MGAM: variants seen among roughly 807,000 people sequenced by gnomAD.
MGAM encodes the protein alpha-1,4-glucosidase.
In MGAM, 253 loss-of-function variants were observed where a neutral mutation model predicts 358.8. The ratio of observed to expected loss-of-function variants is 0.71; its 90% confidence interval spans 0.64 to 0.78. The LOEUF (loss-of-function observed/expected upper bound fraction) is 0.78. MGAM is among the 30% of genes least tolerant of loss of function. The pLI is 0.00. For missense variants in MGAM, 3,080 were observed against 3,432.6 expected (o/e 0.90, Z 2.57); for synonymous variants, 1,105 against 1,227.1 (o/e 0.90, Z 2.08).
rs1360977827 is a variant in MGAM at position 142,079,363 on chromosome 7, A to C, written c.5847+355A>C. 1.4e-5 allele frequency among the ~76,000 whole-genome samples: 2 copies of C among 145,660 alleles called. 1 individual carries two copies. The highest frequency in any genetic ancestry group is 4.4e-4 in the South Asian group (2 of 4,532). Reference sequence around the variant, plus strand: ...GTTGAGATTCAGGAAGTTGGGTTACAGGGTCTGGTGCTTGATTGAAAGCAG... The same window carrying C: ...GTTGAGATTCAGGAAGTTGGGTTACCGGGTCTGGTGCTTGATTGAAAGCAG... On this transcript the variant is annotated intron_variant, in intron 49 of 70. Transcript: ENST00000475668.
At chr7:142,044,355 A>G (rs1464429046) in intron 21 of MGAM, among the ~76,000 whole-genome samples, 1 of 136,146 alleles carries the variant, frequency 7.3e-6, no homozygotes, top group East Asian at 2.1e-4. Flanking sequence ...TAATATACAC[A>G]TACGATATAT....
chr7:142,005,446 C>A, intron 1 of MGAM, 83 bp from the exon 2 acceptor site: 2 of 1,019,438 alleles, frequency 2.0e-6, no homozygotes, highest in South Asian at 3.6e-5. Context: ...TCATTGCATA[C>A]ATTTGAGCTT....
At position 142,045,024 on chromosome 7, in the gene MGAM, TTG is replaced by T. The variant is rs1809868668; in HGVS notation, c.2499-2759_2499-2758del. On this transcript the variant is annotated intron_variant, in intron 21 of 70. Coordinates refer to ENST00000475668, the MANE Select transcript of MGAM (RefSeq NM_001365693.1). ...TAATATATGATATATAATATGTATA[TTG>T]TATACACGTGTAATATATGATATAT... 1.2e-4 allele frequency among the ~76,000 whole-genome samples: 12 copies of T among 103,858 alleles called. 2 individuals are homozygous for T. The highest frequency in any genetic ancestry group is 1.7e-4 in the Non-Finnish European group (9 of 53,072). The allele number at this position is 103,858 out of a possible 152,430, so 68.1% of individuals were successfully genotyped here.
intron 65 of MGAM, among the ~76,000 whole-genome samples, chr7:142,097,346 AT>A (rs11298938): frequency 0.92 from 139,737 of 151,258 alleles, 65,351 homozygotes; most frequent in Non-Finnish European, 1. Context: ...CAAATAGTGA[AT>A]TTTTTTTTTT....
chr7:142,027,464 G>A, intron 9 of MGAM, 146 bp from the exon 10 acceptor site: 1 of 976,324 alleles, frequency 1.0e-6, no homozygotes, highest in Non-Finnish European at 1.5e-6. Context: ...TTTATGAAGG[G>A]GCTGGAAAAA....
Position 142,077,447 on chromosome 7 carries a change from C to G in MGAM, c.5493+621C>G, listed in dbSNP as rs1239427703. 1.4e-5 allele frequency among the ~76,000 whole-genome samples: 2 copies of G among 145,284 alleles called. 1 individual carries two copies. Among genetic ancestry groups the G allele is most frequent in the African/African-American group, 4.9e-5 (2 of 41,006 alleles). ...TCTTTAGAATGTGATTTTATTACTC[C>G]AGACGTGTGAGAACTTTAACTTGGG... On this transcript the variant is annotated intron_variant, in intron 47 of 70. Transcript: ENST00000475668.
In MGAM at chr7:142,094,753, G is replaced by A. The variant is rs1312281493; in HGVS notation, c.7348G>A (p.Ala2450Thr). Residue 2450 changes from alanine (A) to threonine (T), a missense_variant, in exon 63 of 71, where the codon GCA becomes ACA. Transcript: ENST00000475668. ...FSLFGISYTG[A>T]DICGFFQDAE... ...TTATTTCCTCTTGTTTCAGACGGGAGCAGATATCTGTGGGTTCTTTCAAGA... is the reference window on the plus strand; with the variant it reads ...TTATTTCCTCTTGTTTCAGACGGGAACAGATATCTGTGGGTTCTTTCAAGA... 5.0e-6 allele frequency: 8 copies of A among 1,613,776 alleles called. No individual in the cohort carries two copies. The highest frequency in any genetic ancestry group is 6.8e-6 in the Non-Finnish European group (8 of 1,179,854).
At chr7:142,045,411 T>C (rs1427870328) in intron 21 of MGAM, among the ~76,000 whole-genome samples, 2 of 109,062 alleles carry the variant, frequency 1.8e-5, no homozygotes, top group Admixed American at 1.2e-4. Flanking sequence ...TTATATATAT[T>C]ATATATACCT....
chr7:142,044,643 A>G (rs1314454199), intron 21 of MGAM, among the ~76,000 whole-genome samples: 1 of 83,770 alleles, frequency 1.2e-5, no homozygotes, highest in African/African-American at 3.6e-5. Flanking sequence ...CACGTGTAAT[A>G]TATGATATAT....
intron 69 of MGAM, 81 bp from the exon 70 acceptor site, chr7:142,103,188 C>T (rs191867994): frequency 1.6e-4 from 193 of 1,174,816 alleles, no homozygotes; most frequent in Middle Eastern, 9.5e-4. Context: ...ACTTTATGAC[C>T]TACATTTGTG....
chr7:142,041,283 C>T (rs1808507429), intron 21 of MGAM, among the ~76,000 whole-genome samples: 1 of 152,032 alleles, frequency 6.6e-6, no homozygotes, highest in Non-Finnish European at 1.5e-5. Flanking sequence ...AAGAGGTGCA[C>T]ATTTATATCT....
At position 142,067,935 on chromosome 7, in the gene MGAM, AATATATATATATATATATATATATATAT is replaced by A. The variant is rs547783903; in HGVS notation, c.5004+512_5004+539del. 6.9e-5 allele frequency among the ~76,000 whole-genome samples: 2 copies of A among 29,182 alleles called. 1 individual carries two copies. Among genetic ancestry groups the A allele is most frequent in the African/African-American group, 1.6e-4 (2 of 12,406 alleles). 19.1% of individuals were successfully genotyped at this position (29,182 alleles called of 152,430 possible). ...ATATCAATTAATTGTACCTCCCTCA[AATATATATATATATATATATATATATAT>A]AAATATATATATATATATATATATT... On this transcript the variant is annotated intron_variant, in intron 42 of 70. Transcript: ENST00000475668.
intron 2 of MGAM, among the ~76,000 whole-genome samples, chr7:142,006,219 A>T (rs926262098): frequency 6.6e-6 from 1 of 151,348 alleles, no homozygotes; most frequent in Non-Finnish European, 1.5e-5. Flanking sequence ...CCCTTTATAG[A>T]TTTTTTTTTA....
Position 142,032,844 on chromosome 7 carries a change from A to C in MGAM, c.1604A>C (p.Asn535Thr), listed in dbSNP as rs549897232. The change falls in exon 14 of 71, where the codon AAC becomes ACC. Residue 535 changes from asparagine to threonine, a missense_variant. Physicochemically the swap from Asn to Thr is moderately conservative, Grantham distance 65. This residue lies in a region of MGAM where 1,816 missense variants were observed against 1,840.5 expected (regional missense o/e 0.99). Coordinates refer to ENST00000475668, the MANE Select transcript of MGAM (RefSeq NM_001365693.1). ...GIWIDMNEVS[N>T]FVDGSVSGCS... ...TTGTAGGATATGAATGAAGTCTCCA[A>C]CTTTGTTGATGGTTCGGTCTCAGGA... 6.2e-7 allele frequency: 1 copy of C among 1,610,022 alleles called. No individual in the cohort carries two copies. The highest frequency in any genetic ancestry group is 1.3e-5 in the African/African-American group (1 of 74,778).
chr7:141,990,826 G>A (rs1310804333), intron 2 of MGAM, among the ~76,000 whole-genome samples: 2 of 152,086 alleles, frequency 1.3e-5, no homozygotes, highest in African/African-American at 2.4e-5. Context: ...TGCTCCCTTC[G>A]CCCAAAATAT....
chr7:142,006,975 G>A, intron 2 of MGAM, among the ~76,000 whole-genome samples: 1 of 152,036 alleles, frequency 6.6e-6, no homozygotes, highest in South Asian at 2.1e-4. Context: ...TTTGTAAACT[G>A]CTGATTTCTT....
intron 21 of MGAM, among the ~76,000 whole-genome samples, chr7:142,041,968 T>C (rs1335501088): frequency 3.9e-5 from 1 of 25,462 alleles, no homozygotes; most frequent in African/African-American, 1.3e-4. Context: ...AATATATATA[T>C]ATTATATATA....
rs1401471656 is a variant in MGAM, at chr7:142,025,148, G to A, written c.981G>A (p.Met327Ile). The A allele has an allele frequency of 6.3e-6, 10 of 1,597,516 alleles. No homozygotes were observed. The East Asian group carries it at 1.8e-4, about 29-fold the overall frequency. Residue 327 changes from methionine to isoleucine, a missense_variant and splice_region_variant, in exon 8 of 71, where the codon ATG becomes ATA. By Grantham distance (10) the Met-to-Ile change is conservative. Transcript: ENST00000475668. Reference sequence around the variant, plus strand: ...TGTTTCTGATGAACAGCAATGCCATGGGTAAAGGAATATTCATGGAAAAAA... The same window carrying A: ...TGTTTCTGATGAACAGCAATGCCATAGGTAAAGGAATATTCATGGAAAAAA... ...FGVFLMNSNA[M>I]EVVLQPAPAI...
intron 69 of MGAM, among the ~76,000 whole-genome samples, chr7:142,102,923 G>A (rs1293655182): frequency 1.3e-5 from 2 of 152,192 alleles, no homozygotes; most frequent in African/African-American, 4.8e-5. Context: ...CAGGTGGACG[G>A]GCAGTTTCTG....
Sources: allele counts gnomAD v4.1 joint callset (sites outside exome capture counted in the v4.1 genomes callset), GRCh38; gene constraint gnomAD v4.1.1; regional missense constraint gnomAD v4.1.1; transcripts MANE v1.5; gene names NCBI Gene and HGNC (gene_info 2026-07-23, HGNC 2026-07-21).